The following LINGO2 variants were observed in gnomAD, a reference collection of about 807,000 sequenced individuals.
LINGO2 encodes leucine-rich repeat and immunoglobulin-like domain-containing nogo receptor-interacting protein 2.
LINGO2 carries 14 observed loss-of-function variants against 30.6 expected under a neutral mutation model. The ratio of observed to expected loss-of-function variants is 0.46; its 90% confidence interval spans 0.30 to 0.72. The LOEUF is 0.72. Among genes scored for constraint, LINGO2 ranks in the 30% least tolerant of loss-of-function variants. The pLI is 0.07. For synonymous variants in LINGO2, 317 were observed against 288.5 expected (o/e 1.10, Z -1.00); for missense variants, 729 against 751.7 (o/e 0.97, Z 0.35).
chr9:27,952,000 C>T (rs1228758702), intron 5 of LINGO2, among the ~76,000 whole-genome samples: 1 of 151,672 alleles, frequency 6.6e-6, no homozygotes, highest in South Asian at 2.1e-4. Context: ...AGGCAAAAAC[C>T]CAGAAAGTGC....
In LINGO2 at chr9:28,544,950, T is replaced by C. The variant is rs1450908635; in HGVS notation, c.-364-68925A>G. ...AAACGGACTCAGAGGAGTTAATATC[T>C]ATAGATTACTTATTTTGGAAGAGGT... is the stretch of plus-strand genomic sequence containing the variant. On this transcript the variant is annotated intron_variant, in intron 1 of 5. Coordinates refer to ENST00000379992, the Ensembl canonical transcript of LINGO2. 2.6e-5 allele frequency among the ~76,000 whole-genome samples: 4 copies of C among 151,656 alleles called. No individual in the cohort carries two copies. The East Asian group carries it at 7.8e-4, about 29-fold the overall frequency.
intron 1 of LINGO2, among the ~76,000 whole-genome samples, chr9:28,565,637 T>C (rs1587874718): frequency 6.7e-6 from 1 of 149,098 alleles, no homozygotes; most frequent in East Asian, 2.0e-4. Flanking sequence ...CTGCAAGCTC[T>C]GCCTTCCGGG....
intron 4 of LINGO2, among the ~76,000 whole-genome samples, chr9:28,083,549 T>C (rs752177247): frequency 6.6e-6 from 1 of 152,158 alleles, no homozygotes. Flanking sequence ...AGCCAGGAGT[T>C]ACATTTCTCA....
intron 1 of LINGO2, among the ~76,000 whole-genome samples, chr9:28,586,084 T>C (rs1036553030): frequency 2.6e-5 from 4 of 151,972 alleles, no homozygotes; most frequent in Non-Finnish European, 5.9e-5. Context: ...AGTAGAAACA[T>C]GATAAAGTCT....
At chr9:28,795,381 C>T in the LINGO2 span, among the ~76,000 whole-genome samples, 57,218 of 151,856 alleles carry the variant, frequency 0.38, 12,691 homozygotes, top group Middle Eastern at 0.5. Context: ...AAATATATGA[C>T]AGTAGGAAGA....
the LINGO2 span, among the ~76,000 whole-genome samples, chr9:28,878,165 A>G: frequency 5.3e-5 from 8 of 152,238 alleles, no homozygotes; most frequent in East Asian, 5.8e-4. Context: ...TATCACCACC[A>G]ATCCCACAGA....
At chr9:28,519,329 T>G (rs1175843548) in intron 1 of LINGO2, among the ~76,000 whole-genome samples, 1 of 152,060 alleles carries the variant, frequency 6.6e-6, no homozygotes, top group Non-Finnish European at 1.5e-5. Flanking sequence ...GCTACTGCAC[T>G]TGGTCACACA....
intron 1 of LINGO2, among the ~76,000 whole-genome samples, chr9:28,485,122 C>G (rs1207249758): frequency 6.6e-6 from 1 of 152,050 alleles, no homozygotes; most frequent in Non-Finnish European, 1.5e-5. Flanking sequence ...TCAATGATTC[C>G]CAACTTCTTA....
chr9:28,402,494 T>C (rs1822313291), intron 2 of LINGO2, among the ~76,000 whole-genome samples: 1 of 152,094 alleles, frequency 6.6e-6, no homozygotes, highest in Admixed American at 6.6e-5. Flanking sequence ...ATTTTACAAC[T>C]TTTTGCCATG....
At chr9:28,292,606 G>A (rs376089887) in intron 4 of LINGO2, among the ~76,000 whole-genome samples, 2 of 151,924 alleles carry the variant, frequency 1.3e-5, no homozygotes, top group African/African-American at 4.8e-5. Flanking sequence ...GGGATTACAG[G>A]TGTCTGCTAC....
At chr9:29,109,464 A>G in the LINGO2 span, among the ~76,000 whole-genome samples, 3 of 152,200 alleles carry the variant, frequency 2.0e-5, no homozygotes, top group African/African-American at 7.2e-5. Context: ...TATTAGATCC[A>G]TGCAATTTGG....
chr9:28,257,469 A>T (rs1044074397), intron 4 of LINGO2, among the ~76,000 whole-genome samples: 1 of 151,920 alleles, frequency 6.6e-6, no homozygotes, highest in African/African-American at 2.4e-5. Context: ...AGCCTCCCAG[A>T]GACTCACTAA....
At chr9:28,640,247 C>A (rs191420895) in intron 1 of LINGO2, among the ~76,000 whole-genome samples, 6 of 152,026 alleles carry the variant, frequency 3.9e-5, no homozygotes, top group South Asian at 2.1e-4. Flanking sequence ...TGTGGCTGCC[C>A]GTAACATTTT....
intron 1 of LINGO2, among the ~76,000 whole-genome samples, chr9:28,642,434 T>C (rs1453428123): frequency 1.3e-5 from 2 of 152,120 alleles, no homozygotes; most frequent in South Asian, 2.1e-4. Flanking sequence ...AATAGCAATA[T>C]TGTCATAGTT....
intron 4 of LINGO2, among the ~76,000 whole-genome samples, chr9:28,254,035 C>T (rs4506317): frequency 0.16 from 24,967 of 151,894 alleles, 2,188 homozygotes; most frequent in Middle Eastern, 0.28. Flanking sequence ...TTCCATTTTT[C>T]CTCACCCTTC....
chr9:28,430,926 C>A (rs1429094686), intron 2 of LINGO2, among the ~76,000 whole-genome samples: 1 of 151,754 alleles, frequency 6.6e-6, no homozygotes, highest in Non-Finnish European at 1.5e-5. Flanking sequence ...AGCCTCAGTT[C>A]CTTGTAGGTG....
At chr9:28,237,328 C>T (rs1470664111) in intron 4 of LINGO2, among the ~76,000 whole-genome samples, 2 of 150,440 alleles carry the variant, frequency 1.3e-5, no homozygotes, top group African/African-American at 4.9e-5. Flanking sequence ...AAGCATACCA[C>T]CAGAGAAAAA....
the LINGO2 span, among the ~76,000 whole-genome samples, chr9:28,874,768 C>T: frequency 6.6e-6 from 1 of 152,020 alleles, no homozygotes; most frequent in Admixed American, 6.6e-5. Context: ...TTTATGGAGA[C>T]TTTATTAAGG....
At chr9:28,034,952 T>G (rs1823860145) in intron 4 of LINGO2, among the ~76,000 whole-genome samples, 1 of 152,242 alleles carries the variant, frequency 6.6e-6, no homozygotes. Flanking sequence ...TGTAGCTAGC[T>G]ATGAGCACTG....
Sources: gnomAD v4.1 joint callset for allele counts (sites outside exome capture counted in the v4.1 genomes callset) on GRCh38, gnomAD v4.1.1 for gene constraint, MANE v1.5 for transcripts, NCBI Gene and HGNC (gene_info 2026-07-23, HGNC 2026-07-21) for gene names.